CLEC18A: variants seen among roughly 807,000 people sequenced by gnomAD.
CLEC18A encodes C-type lectin domain family 18 member A.
Under a neutral mutation model 24.0 loss-of-function variants are expected in CLEC18A, and 5 were observed. The ratio of observed to expected loss-of-function variants is 0.21; its 90% CI spans 0.11 to 0.44. The LOEUF is 0.44. Among genes scored for constraint, CLEC18A ranks in the 20% least tolerant of loss-of-function variants. The probability of loss-of-function intolerance (pLI) is 0.99; values close to 1 mark genes in which losing one functional copy is unlikely to be tolerated. For synonymous variants in CLEC18A, 29 were observed against 100.1 expected (o/e 0.29, Z 4.24); for missense variants, 83 against 233.4 (o/e 0.36, Z 4.20).
At chr16:69,964,795 G>C (rs634671), downstream of CLEC18A, among the ~76,000 whole-genome samples, 2 of 151,286 alleles carry the variant, frequency 1.3e-5, no homozygotes, top group African/African-American at 4.9e-5. Context: ...GAGCCACCGC[G>C]CCCGGCCCTA....
the CLEC18A span, among the ~76,000 whole-genome samples, chr16:69,944,720 C>G: frequency 2.2e-5 from 3 of 137,698 alleles, no homozygotes; most frequent in Non-Finnish European, 4.6e-5. Flanking sequence ...CCTGTAGTCC[C>G]GGCTACTCGG....
chr16:69,966,087 T>TA (rs1959381371), downstream of CLEC18A, among the ~76,000 whole-genome samples: 1 of 76,814 alleles, frequency 1.3e-5, no homozygotes, highest in Non-Finnish European at 2.3e-5. Context: ...AAGCCTGACT[T>TA]ACAGTATGCC....
At chr16:69,954,749 G>A (rs2059010829) in intron 3 of CLEC18A, among the ~76,000 whole-genome samples, 176 bp downstream of exon 3, 1 of 152,122 alleles carries the variant, frequency 6.6e-6, no homozygotes, top group South Asian at 2.1e-4. Context: ...CCAGGCTAGA[G>A]TGCAGTGGCG....
chr16:69,955,924 A>G (rs2059028322), intron 3 of CLEC18A, among the ~76,000 whole-genome samples: 2 of 151,952 alleles, frequency 1.3e-5, no homozygotes, highest in Non-Finnish European at 2.9e-5. Context: ...TACCTCTACT[A>G]CCTGTGCAAG....
At chr16:69,964,956 C>T (rs1434749705), downstream of CLEC18A, among the ~76,000 whole-genome samples, 3 of 152,184 alleles carry the variant, frequency 2.0e-5, no homozygotes, top group East Asian at 5.8e-4. Context: ...TCCGCACCAC[C>T]ACGCCCCGCT....
chr16:69,965,306 G>C (rs1414031098), downstream of CLEC18A, among the ~76,000 whole-genome samples: 2 of 152,010 alleles, frequency 1.3e-5, no homozygotes, highest in Non-Finnish European at 1.5e-5. Flanking sequence ...AGGCCTTCCT[G>C]CCCGGTGGGA....
At chr16:69,944,568 G>A in the CLEC18A span, among the ~76,000 whole-genome samples, 1 of 151,814 alleles carries the variant, frequency 6.6e-6, no homozygotes, top group Admixed American at 6.6e-5. Context: ...GGCCAGGCAC[G>A]GTGGCTCATG....
chr16:69,943,662 C>A, the CLEC18A span, among the ~76,000 whole-genome samples: 2 of 151,550 alleles, frequency 1.3e-5, no homozygotes, highest in Admixed American at 6.6e-5. Flanking sequence ...CAGGTGCATG[C>A]GGTGAGTTAA....
At chr16:69,955,983 C>T (rs1197716610) in intron 3 of CLEC18A, among the ~76,000 whole-genome samples, 3 of 152,136 alleles carry the variant, frequency 2.0e-5, no homozygotes, top group African/African-American at 7.2e-5. Flanking sequence ...CGGTGGCTCA[C>T]GCCCGTAATC....
intron 2 of CLEC18A, chr16:69,952,838 C>G (rs2058972785): frequency 6.7e-6 from 1 of 150,134 alleles, no homozygotes; most frequent in East Asian, 2.0e-4. Context: ...ATGAACTCCT[C>G]CAAGGCAGGC....
At chr16:69,951,175 GTT>G, upstream of CLEC18A, 1 of 1,409,742 alleles carries the variant, frequency 7.1e-7, no homozygotes, top group Non-Finnish European at 9.4e-7. Flanking sequence ...ATCCCCCGGA[GTT>G]GTCTCTTTTC....
intron 2 of CLEC18A, chr16:69,953,557 T>A (rs1282423081): frequency 6.9e-6 from 1 of 144,680 alleles, no homozygotes; most frequent in South Asian, 2.3e-4. Context: ...GGCTCACACC[T>A]GTAATCCCAG....
intron 2 of CLEC18A, 22 bp from the exon 3 acceptor site, chr16:69,954,312 T>A (rs902580037): frequency 6.4e-7 from 1 of 1,571,730 alleles, no homozygotes; most frequent in African/African-American, 1.3e-5. Context: ...CTCCCACAGA[T>A]GTCTGTTTGT....
At chr16:69,964,507 T>TTTTCTTTTCTTTTC (rs1491285900), downstream of CLEC18A, 13 of 48,916 alleles carry the variant, frequency 2.7e-4, 1 homozygote, top group South Asian at 2.3e-3. Context: ...TTTTCTTTTC[T>TTTTCTTTTCTTTTC]TTTTTTTTTT....
chr16:69,966,142 A>C (rs1959382730), downstream of CLEC18A, among the ~76,000 whole-genome samples: 1 of 135,534 alleles, frequency 7.4e-6, no homozygotes, highest in Admixed American at 7.5e-5. Context: ...TTTCCTTGAT[A>C]GGGTAAACTA....
At chr16:69,950,113 C>T (rs1269258661), upstream of CLEC18A, among the ~76,000 whole-genome samples, 2 of 123,384 alleles carry the variant, frequency 1.6e-5, 1 homozygote, top group Non-Finnish European at 3.8e-5. Context: ...ACATGCAGTT[C>T]CAGACCGCCT....
upstream of CLEC18A, among the ~76,000 whole-genome samples, chr16:69,948,399 G>GT (rs561594988): frequency 3.2e-3 from 463 of 145,656 alleles, 5 homozygotes; most frequent in South Asian, 4.0e-3. Context: ...TTGTTTGTTT[G>GT]TTTTTTGAGA....
downstream of CLEC18A, among the ~76,000 whole-genome samples, chr16:69,965,279 G>C (rs1567464308): frequency 6.6e-6 from 1 of 151,970 alleles, no homozygotes; most frequent in African/African-American, 2.4e-5. Flanking sequence ...ACTGGCGCAA[G>C]GTCGCCTGCG....
downstream of CLEC18A, among the ~76,000 whole-genome samples, chr16:69,965,616 G>A (rs1376560674): frequency 2.0e-5 from 3 of 149,066 alleles, no homozygotes; most frequent in Non-Finnish European, 4.4e-5. Context: ...CCTGGGGGCC[G>A]GGGGCAGACA....
Sources: allele counts gnomAD v4.1 joint callset (sites outside exome capture counted in the v4.1 genomes callset), GRCh38; gene constraint gnomAD v4.1.1; transcripts MANE v1.5; gene names NCBI Gene and HGNC (gene_info 2026-07-23, HGNC 2026-07-21).